LINGO2: variants seen among roughly 807,000 people sequenced by gnomAD.
The protein encoded by LINGO2 is leucine-rich repeat and immunoglobulin-like domain-containing nogo receptor-interacting protein 2.
In LINGO2, 14 loss-of-function variants were observed where a neutral mutation model predicts 30.6. The ratio of observed to expected loss-of-function variants is 0.46; its 90% CI spans 0.30 to 0.72. LINGO2 has a LOEUF of 0.72. LINGO2 is among the 30% of genes least tolerant of loss of function. LINGO2 has a pLI of 0.07. For missense variants in LINGO2, 729 were observed against 751.7 expected (o/e 0.97, Z 0.35); for synonymous variants, 317 against 288.5 (o/e 1.10, Z -1.00).
intron 3 of LINGO2, among the ~76,000 whole-genome samples, chr9:28,344,805 A>G (rs907098074): frequency 2.6e-5 from 4 of 152,264 alleles, no homozygotes; most frequent in Middle Eastern, 3.4e-3. Context: ...ATTGTCCATC[A>G]TTTAGCTTAG....
At chr9:28,475,259 T>G (rs759486160) in intron 2 of LINGO2, among the ~76,000 whole-genome samples, 2 of 152,200 alleles carry the variant, frequency 1.3e-5, no homozygotes, top group Non-Finnish European at 2.9e-5. Context: ...TAATAATTAT[T>G]TGTGAAGTAG....
At chr9:28,985,254 T>C in the LINGO2 span, among the ~76,000 whole-genome samples, 1 of 152,156 alleles carries the variant, frequency 6.6e-6, no homozygotes, top group East Asian at 1.9e-4. Context: ...CCACAGATTC[T>C]TTATCTATTC....
the LINGO2 span, chr9:27,942,765 T>G: frequency 3.9e-5 from 6 of 152,140 alleles, no homozygotes; most frequent in African/African-American, 1.4e-4. Context: ...AAAACGGTTA[T>G]AATTTAAACA....
At chr9:28,453,284 G>GA (rs1325840620) in intron 2 of LINGO2, among the ~76,000 whole-genome samples, 1 of 151,862 alleles carries the variant, frequency 6.6e-6, no homozygotes, top group Non-Finnish European at 1.5e-5. Flanking sequence ...AAAATATAGT[G>GA]AGGTGCACAC....
chr9:28,049,749 T>A (rs1207016797), intron 4 of LINGO2, among the ~76,000 whole-genome samples: 1 of 150,466 alleles, frequency 6.6e-6, no homozygotes, highest in East Asian at 2.0e-4. Flanking sequence ...GGCTTTGACA[T>A]TACTGGAACC....
At chr9:29,104,274 T>A in the LINGO2 span, among the ~76,000 whole-genome samples, 10 of 152,122 alleles carry the variant, frequency 6.6e-5, no homozygotes, top group Non-Finnish European at 1.3e-4. Context: ...GATTGGATCA[T>A]GGTGTGCATT....
rs2134249708 is a variant in LINGO2, at chr9:28,310,090, T to C, written c.-245-14724A>G. ...ATGACACAACCATTTTGAAGAGTAG[T>C]TTGATGTTCCTTAAAATGTTAAAGA... is the stretch of plus-strand genomic sequence containing the variant. On this transcript the variant is annotated intron_variant, in intron 3 of 5. Transcript: ENST00000379992. Among the ~76,000 whole-genome samples, 3 of 152,288 alleles carry C rather than the reference T, an allele frequency of 2.0e-5. No individual in the cohort carries two copies. In the Middle Eastern group the frequency reaches 0.01, roughly 518 times the overall value.
the LINGO2 span, among the ~76,000 whole-genome samples, chr9:28,747,788 T>C: frequency 6.6e-6 from 1 of 152,148 alleles, no homozygotes; most frequent in Non-Finnish European, 1.5e-5. Context: ...TATATTTTTA[T>C]TGGATGAAGC....
chr9:29,089,176 C>T, the LINGO2 span, among the ~76,000 whole-genome samples: 1 of 150,916 alleles, frequency 6.6e-6, no homozygotes, highest in Non-Finnish European at 1.5e-5. Flanking sequence ...ATTGGGCTTA[C>T]ACTATGGTGT....
the LINGO2 span, among the ~76,000 whole-genome samples, chr9:29,171,513 A>G: frequency 2.0e-5 from 3 of 151,980 alleles, no homozygotes; most frequent in East Asian, 5.8e-4. Context: ...ATATACTCAA[A>G]TATTCTCATA....
At chr9:28,906,139 C>T in the LINGO2 span, among the ~76,000 whole-genome samples, 2 of 151,578 alleles carry the variant, frequency 1.3e-5, no homozygotes, top group South Asian at 2.1e-4. Flanking sequence ...AAATGGTGGC[C>T]AAGGGGCTCT....
chr9:28,772,152 G>A, the LINGO2 span, among the ~76,000 whole-genome samples: 4 of 152,116 alleles, frequency 2.6e-5, no homozygotes, highest in Admixed American at 6.5e-5. Flanking sequence ...TCCCTGTAGC[G>A]CATTTGTAAG....
chr9:28,963,090 T>C, the LINGO2 span, among the ~76,000 whole-genome samples: 1 of 151,930 alleles, frequency 6.6e-6, no homozygotes, highest in Admixed American at 6.6e-5. Flanking sequence ...AAGGGGAAAG[T>C]GAAACTGAAA....
chr9:29,176,555 T>C, the LINGO2 span, among the ~76,000 whole-genome samples: 1 of 152,204 alleles, frequency 6.6e-6, no homozygotes, highest in African/African-American at 2.4e-5. Flanking sequence ...AAGCTTGTAT[T>C]ATGCAAACTG....
In LINGO2 at chr9:28,445,662, C is replaced by T. The variant is rs753203704; in HGVS notation, c.-279+30278G>A. Among the ~76,000 whole-genome samples the T allele has an allele frequency of 9.2e-5, 14 of 152,228 alleles. No homozygotes were observed. In the South Asian group the frequency reaches 1.5e-3, roughly 16 times the overall value. On this transcript the variant is annotated intron_variant, in intron 2 of 5. Coordinates refer to ENST00000379992, the Ensembl canonical transcript of LINGO2. ...ACTTAAAAGTATATTATGTAGAAAA[C>T]AGCATTCAGAGCTGTCAGAGAAACT...
intron 4 of LINGO2, among the ~76,000 whole-genome samples, chr9:28,266,428 C>G (rs541583937): frequency 5.3e-5 from 8 of 152,128 alleles, no homozygotes; most frequent in African/African-American, 1.9e-4. Context: ...AAATCCTGCT[C>G]TCTGTTTCCA....
chr9:28,042,856 G>A (rs911531564), intron 4 of LINGO2, among the ~76,000 whole-genome samples: 1 of 151,858 alleles, frequency 6.6e-6, no homozygotes, highest in Non-Finnish European at 1.5e-5. Flanking sequence ...GATTAATATC[G>A]AGAGTGAAAG....
At chr9:29,110,353 G>A in the LINGO2 span, among the ~76,000 whole-genome samples, 1 of 152,104 alleles carries the variant, frequency 6.6e-6, no homozygotes, top group Non-Finnish European at 1.5e-5. Flanking sequence ...TGTTTTTTGA[G>A]ACGGAGTCTT....
chr9:28,011,626 TAATTA>T (rs1822557885), intron 5 of LINGO2, among the ~76,000 whole-genome samples: 1 of 152,218 alleles, frequency 6.6e-6, no homozygotes, highest in Non-Finnish European at 1.5e-5. Context: ...CTATTCCATT[TAATTA>T]AAAGTGATGG....
Sources: gnomAD v4.1 joint callset for allele counts (sites outside exome capture counted in the v4.1 genomes callset) on GRCh38, gnomAD v4.1.1 for gene constraint, MANE v1.5 for transcripts, NCBI Gene and HGNC (gene_info 2026-07-23, HGNC 2026-07-21) for gene names.